GRID2: variants seen among roughly 807,000 people sequenced by gnomAD.
The protein encoded by GRID2 is glutamate ionotropic receptor delta type subunit 2.
In GRID2, 33 loss-of-function variants were observed where a neutral mutation model predicts 114.8. That is an observed-to-expected ratio of 0.29 (90% CI 0.22 to 0.38). The LOEUF (loss-of-function observed/expected upper bound fraction) is 0.38, where lower values mean the gene tolerates loss of function less well. Ranked by LOEUF, GRID2 falls within the 10% of genes least tolerant of loss-of-function variation. The pLI is 1.00. For synonymous variants in GRID2, 505 were observed against 449.9 expected (o/e 1.12, Z -1.55); for missense variants, 1,184 against 1,257.7 (o/e 0.94, Z 0.89).
intron 13 of GRID2, among the ~76,000 whole-genome samples, chr4:93,533,265 CCTTCCTTCCTTCCTT>C (rs1731654196): frequency 8.8e-5 from 5 of 56,946 alleles, no homozygotes; most frequent in Non-Finnish European, 1.8e-4. Flanking sequence ...TTCCTTCCTT[CCTTCCTTCCTTCCTT>C]CCTTCCTTCC....
At chr4:93,012,075 C>T (rs1722229410) in intron 2 of GRID2, among the ~76,000 whole-genome samples, 1 of 113,794 alleles carries the variant, frequency 8.8e-6, no homozygotes, top group Admixed American at 1.1e-4. Flanking sequence ...ATTGTATTAT[C>T]AGGCTGAAAA....
At chr4:92,530,508 GAAA>G (rs70942906) in intron 1 of GRID2, among the ~76,000 whole-genome samples, 19,572 of 107,154 alleles carry the variant, frequency 0.18, 1,443 homozygotes, top group Middle Eastern at 0.28. Flanking sequence ...GACTAGTACA[GAAA>G]AAAAAAAAAA....
intron 2 of GRID2, among the ~76,000 whole-genome samples, chr4:92,773,715 T>G (rs1738645784): frequency 6.6e-6 from 1 of 152,054 alleles, no homozygotes; most frequent in African/African-American, 2.4e-5. Flanking sequence ...TTTTGTTTTA[T>G]CTATCTATTT....
At chr4:93,226,173 T>A (rs1367034414) in intron 7 of GRID2, among the ~76,000 whole-genome samples, 1 of 152,202 alleles carries the variant, frequency 6.6e-6, no homozygotes, top group Non-Finnish European at 1.5e-5. Flanking sequence ...TAAAATATAT[T>A]CATTCTATCC....
At chr4:93,166,987 C>G (rs568588970) in intron 4 of GRID2, among the ~76,000 whole-genome samples, 2 of 152,236 alleles carry the variant, frequency 1.3e-5, no homozygotes, top group South Asian at 4.1e-4. Flanking sequence ...AATTATTTTA[C>G]TAATCCACTT....
At chr4:92,886,656 C>G (rs960770329) in intron 2 of GRID2, among the ~76,000 whole-genome samples, 1 of 151,962 alleles carries the variant, frequency 6.6e-6, no homozygotes, top group Admixed American at 6.6e-5. Context: ...GACGGAGTCT[C>G]GCTCTTTCGC....
chr4:93,261,582 G>C (rs959445878), intron 8 of GRID2, among the ~76,000 whole-genome samples: 1 of 151,704 alleles, frequency 6.6e-6, no homozygotes, highest in Admixed American at 6.6e-5. Context: ...GCGTGGGCCT[G>C]GCATATTTAA....
intron 1 of GRID2, among the ~76,000 whole-genome samples, chr4:92,488,112 A>T (rs1722980394): frequency 6.6e-6 from 1 of 152,140 alleles, no homozygotes; most frequent in African/African-American, 2.4e-5. Context: ...TCTTATATGT[A>T]GCTATTGCTT....
chr4:92,856,898 G>A (rs1409292982), intron 2 of GRID2, among the ~76,000 whole-genome samples: 1 of 152,136 alleles, frequency 6.6e-6, no homozygotes, highest in African/African-American at 2.4e-5. Context: ...AAGTCTGTCA[G>A]TACGTTTTAA....
intron 1 of GRID2, among the ~76,000 whole-genome samples, chr4:92,306,024 C>T (rs1725384122): frequency 6.6e-6 from 1 of 152,190 alleles, no homozygotes; most frequent in East Asian, 1.9e-4. Context: ...GCACAACACG[C>T]ATACACATAC....
rs75945182 is a variant in GRID2 at position 93,573,984 on chromosome 4, C to T, written c.2194-52285C>T. 2.6e-3 allele frequency among the ~76,000 whole-genome samples: 400 copies of T among 151,944 alleles called. 2 individuals carry two copies. The highest frequency in any genetic ancestry group is 9.1e-3 in the African/African-American group (377 of 41,440). The stretch of plus-strand genomic sequence containing the variant: ...TTGTAAGAATTAGAGAAATCATGGG[C>T]AATAATTGAAGGGTAGATACTCAAT... On this transcript the variant is annotated intron_variant, in intron 13 of 15. Coordinates refer to ENST00000282020, the MANE Select transcript of GRID2 (RefSeq NM_001510.4).
At chr4:92,456,242 C>A (rs2149083345) in intron 1 of GRID2, among the ~76,000 whole-genome samples, 1 of 151,850 alleles carries the variant, frequency 6.6e-6, no homozygotes, top group Middle Eastern at 3.4e-3. Flanking sequence ...ACATAAGAGG[C>A]TTATATGAAC....
At chr4:92,799,192 C>T (rs1433708086) in intron 2 of GRID2, among the ~76,000 whole-genome samples, 1 of 152,004 alleles carries the variant, frequency 6.6e-6, no homozygotes. Context: ...GAGACAGTGA[C>T]AGATCACCCG....
intron 2 of GRID2, among the ~76,000 whole-genome samples, chr4:92,633,415 A>C (rs1392831369): frequency 2.0e-5 from 3 of 152,186 alleles, no homozygotes; most frequent in African/African-American, 7.2e-5. Context: ...GGGAACAAAC[A>C]AAAGAGCCAG....
rs77742543 is a variant in GRID2 at position 92,959,309 on chromosome 4, G to A, written c.245-125686G>A. On this transcript the variant is annotated intron_variant, in intron 2 of 15. Transcript: ENST00000282020. ...GATTATTAATGTTAGATCTTTCTTC[G>A]TCTCTATACAATCAATGTTATAAAT... 3.1e-3 allele frequency among the ~76,000 whole-genome samples: 463 copies of A among 151,344 alleles called. 2 individuals are homozygous for A. Among genetic ancestry groups the A allele is most frequent in the African/African-American group, 8.3e-3 (342 of 41,234 alleles).
chr4:92,651,845 G>A (rs192072221), intron 2 of GRID2, among the ~76,000 whole-genome samples: 1 of 152,102 alleles, frequency 6.6e-6, no homozygotes, highest in Admixed American at 6.5e-5. Context: ...TACTGCAGCT[G>A]TCCACTTTCA....
intron 1 of GRID2, among the ~76,000 whole-genome samples, chr4:92,468,390 A>G (rs928739277): frequency 6.6e-6 from 1 of 151,992 alleles, no homozygotes; most frequent in Non-Finnish European, 1.5e-5. Flanking sequence ...AAAATCACCA[A>G]TCTTTCTTAA....
intron 13 of GRID2, among the ~76,000 whole-genome samples, chr4:93,616,102 C>T (rs987041393): frequency 6.6e-6 from 1 of 151,982 alleles, no homozygotes; most frequent in Non-Finnish European, 1.5e-5. Flanking sequence ...AGTAAAAATC[C>T]TCAAGTTTTT....
chr4:93,200,247 AAGC>A (rs1741930244), intron 4 of GRID2, among the ~76,000 whole-genome samples: 1 of 152,316 alleles, frequency 6.6e-6, no homozygotes, highest in African/African-American at 2.4e-5. Context: ...AAAAGGAAAG[AAGC>A]ACAAGTATCA....
Sources: gnomAD v4.1 joint callset for allele counts (sites outside exome capture counted in the v4.1 genomes callset) on GRCh38, gnomAD v4.1.1 for gene constraint, MANE v1.5 for transcripts, NCBI Gene and HGNC (gene_info 2026-07-23, HGNC 2026-07-21) for gene names.